The following USP13 variants were observed in gnomAD, a reference collection of about 807,000 sequenced individuals.
USP13 encodes ubiquitin carboxyl-terminal hydrolase 13.
USP13 carries 68 observed loss-of-function variants against 107.8 expected under a neutral mutation model. That is an observed-to-expected ratio of 0.63 (90% CI 0.52 to 0.77). The LOEUF (loss-of-function observed/expected upper bound fraction) is 0.77. Among genes scored for constraint, USP13 ranks in the 30% least tolerant of loss-of-function variants. USP13 has a pLI of 0.00. For missense variants in USP13, 945 were observed against 1,093.3 expected (o/e 0.86, Z 1.91); for synonymous variants, 377 against 389.5 (o/e 0.97, Z 0.38).
rs890425159 is a variant in USP13, at chr3:179,740,389, C to T, written c.1380+17C>T. 6.2e-7 allele frequency: 1 copy of T among 1,613,774 alleles called. No homozygotes were observed. The highest frequency in any genetic ancestry group is 8.5e-7 in the Non-Finnish European group (1 of 1,179,832). ...CTAGTAGAGGTGAGTAGTCAGTCTT[C>T]ACGGATGCTCAGCGGGGTTGTAAGA... On this transcript the variant is annotated intron_variant, in intron 11 of 20. Transcript: ENST00000263966.
At chr3:179,692,189 C>G (rs1370811640) in intron 3 of USP13, among the ~76,000 whole-genome samples, 3 of 152,166 alleles carry the variant, frequency 2.0e-5, no homozygotes, top group African/African-American at 7.2e-5. Context: ...TAGCTCTTTC[C>G]CGGTAATAGA....
intron 17 of USP13, 144 bp downstream of exon 17, chr3:179,761,399 A>G: frequency 8.8e-7 from 1 of 1,133,022 alleles, no homozygotes. Context: ...GGAGAAAGCC[A>G]GTCTTTTTCT....
At position 179,688,234 on chromosome 3, in the gene USP13, C is replaced by T. The variant is rs6443667; in HGVS notation, c.295-2007C>T. ...CCATCCATCCATCCATCCATCCATC[C>T]ATCCAACAAATATTTACTCAGTAGC... On this transcript the variant is annotated intron_variant, in intron 2 of 20. Coordinates refer to ENST00000263966, the MANE Select transcript of USP13 (RefSeq NM_003940.3). Among the ~76,000 whole-genome samples, 439 of 145,530 alleles carry T rather than the reference C, an allele frequency of 3.0e-3. 6 individuals are homozygous for T. Among genetic ancestry groups the T allele is most frequent in the South Asian group, 4.9e-3 (22 of 4,512 alleles).
At chr3:179,689,412 A>C (rs1342112566) in intron 2 of USP13, among the ~76,000 whole-genome samples, 3 of 152,198 alleles carry the variant, frequency 2.0e-5, no homozygotes, top group Admixed American at 2.0e-4. Context: ...TAAGCCCAGC[A>C]CTTTGGGAGG....
chr3:179,771,398 T>C (rs1039276962), intron 19 of USP13, among the ~76,000 whole-genome samples: 1 of 152,176 alleles, frequency 6.6e-6, no homozygotes, highest in East Asian at 1.9e-4. Flanking sequence ...TGGAGACATC[T>C]TCCATCCTCT....
At chr3:179,708,323 T>C (rs75413252) in intron 5 of USP13, among the ~76,000 whole-genome samples, 1 of 151,876 alleles carries the variant, frequency 6.6e-6, no homozygotes. Flanking sequence ...TTTTTTTTTT[T>C]TGAGACAGAG....
intron 4 of USP13, among the ~76,000 whole-genome samples, chr3:179,701,615 A>G (rs1712526576): frequency 6.6e-6 from 1 of 152,232 alleles, no homozygotes; most frequent in Admixed American, 6.5e-5. Context: ...CGCAGTTACA[A>G]AAAGAACAAA....
At chr3:179,757,693 T>C (rs781426237) in intron 16 of USP13, among the ~76,000 whole-genome samples, 17 of 152,240 alleles carry the variant, frequency 1.1e-4, no homozygotes, top group Non-Finnish European at 1.9e-4. Flanking sequence ...ACTCTAAATC[T>C]TTTGGTCTGT....
intron 14 of USP13, among the ~76,000 whole-genome samples, chr3:179,752,739 C>T (rs1315706913): frequency 6.6e-6 from 1 of 152,214 alleles, no homozygotes; most frequent in African/African-American, 2.4e-5. Context: ...GTGTTTCTAA[C>T]AAGCTCCCAC....
intron 19 of USP13, among the ~76,000 whole-genome samples, chr3:179,780,848 C>G (rs981560015): frequency 1.3e-5 from 2 of 152,192 alleles, no homozygotes; most frequent in Non-Finnish European, 2.9e-5. Context: ...AAAAGTGGAG[C>G]ACTAGCAAAA....
At chr3:179,723,564 G>C (rs922341559) in intron 8 of USP13, among the ~76,000 whole-genome samples, 1 of 152,242 alleles carries the variant, frequency 6.6e-6, no homozygotes, top group Non-Finnish European at 1.5e-5. Flanking sequence ...TGCAGGAGGA[G>C]TGAAGACAGG....
chr3:179,756,043 T>A (rs1714780000), intron 15 of USP13, among the ~76,000 whole-genome samples: 1 of 152,228 alleles, frequency 6.6e-6, no homozygotes, highest in Non-Finnish European at 1.5e-5. Flanking sequence ...GGGCATCAGA[T>A]AAATACAAGA....
chr3:179,782,577 G>A (rs1463820833), intron 20 of USP13, among the ~76,000 whole-genome samples: 1 of 152,060 alleles, frequency 6.6e-6, no homozygotes, highest in Non-Finnish European at 1.5e-5. Context: ...TTCTGCTTGA[G>A]GGCAGTGCTC....
At chr3:179,697,040 A>G (rs1048895502) in intron 3 of USP13, among the ~76,000 whole-genome samples, 3 of 152,182 alleles carry the variant, frequency 2.0e-5, no homozygotes, top group African/African-American at 4.8e-5. Context: ...AGTTTTCACA[A>G]ATAGGTGTAA....
At position 179,706,978 on chromosome 3, in the gene USP13, C is replaced by T; in HGVS notation, c.522C>T (p.Tyr174=). ...CDAVLSSKSP[Y]RKQDPDTWEN... ...CAGTTCTCAGCTCAAAATCTCCATA[C>T]AGAAAGCAGGACCCAGACACGTGGG... The change falls in exon 5 of 21, where the codon TAC becomes TAT. Residue 174 remains tyrosine, a synonymous_variant. Coordinates refer to ENST00000263966, the MANE Select transcript of USP13 (RefSeq NM_003940.3). The T allele has an allele frequency of 1.2e-6, 2 of 1,614,090 alleles. No homozygotes were observed. The highest frequency in any genetic ancestry group is 1.3e-5 in the African/African-American group (1 of 75,024).
Position 179,690,348 on chromosome 3 carries a change from G to A in USP13, c.355+47G>A, listed in dbSNP as rs1283480560. On this transcript the variant is annotated intron_variant, in intron 3 of 20. Coordinates refer to ENST00000263966, the MANE Select transcript of USP13 (RefSeq NM_003940.3). Reference sequence around the variant, plus strand: ...GCTCAGATTTTGTGTTTGTGTGTGTGTATATGTGCATACTCATGTGCATCT... The same window carrying A: ...GCTCAGATTTTGTGTTTGTGTGTGTATATATGTGCATACTCATGTGCATCT... 4 of 1,502,018 alleles carry A rather than the reference G, an allele frequency of 2.7e-6. No individual in the cohort carries two copies. In the Admixed American group the frequency reaches 5.1e-5, roughly 19 times the overall value. The allele number at this position is 1,502,018 out of a possible 1,614,324, so 93.0% of individuals were successfully genotyped here.
At position 179,722,751 on chromosome 3, in the gene USP13, T is replaced by A. The variant is rs371178116; in HGVS notation, c.1088+1162T>A. Among the ~76,000 whole-genome samples, 6 of 152,232 alleles carry A rather than the reference T, an allele frequency of 3.9e-5. No individual in the cohort carries two copies. In the East Asian group the frequency reaches 7.7e-4, roughly 20 times the overall value. ...TAGATCTTGTTCATTCTACTTATAC[T>A]TTTTTACCCATTAACCATCCTAATT... On this transcript the variant is annotated intron_variant, in intron 8 of 20. Coordinates refer to ENST00000263966, the MANE Select transcript of USP13 (RefSeq NM_003940.3).
intron 16 of USP13, among the ~76,000 whole-genome samples, chr3:179,759,664 G>T (rs999348512): frequency 2.6e-5 from 4 of 152,080 alleles, no homozygotes; most frequent in Non-Finnish European, 4.4e-5. Flanking sequence ...CCTTGTAAGA[G>T]AGCACTTTGG....
At position 179,721,391 on chromosome 3, in the gene USP13, C is replaced by T; in HGVS notation, c.901-11C>T. 1 of 1,608,186 alleles carries T rather than the reference C, an allele frequency of 6.2e-7. No homozygotes were observed. The highest frequency in any genetic ancestry group is 8.5e-7 in the Non-Finnish European group (1 of 1,176,396). ...ATTTAAAGTTGTTTTTCTTCGATGACTTTGTCTCAGACAGAGAATGGGCTC... is the reference window on the plus strand; with the variant it reads ...ATTTAAAGTTGTTTTTCTTCGATGATTTTGTCTCAGACAGAGAATGGGCTC... On this transcript the variant is annotated splice_polypyrimidine_tract_variant and intron_variant, in intron 7 of 20. Coordinates refer to ENST00000263966, the MANE Select transcript of USP13 (RefSeq NM_003940.3). The surrounding 1 kb of genome is among the most constrained non-coding windows in gnomAD (Gnocchi z 4.3).
Sources: gnomAD v4.1 joint callset for allele counts (sites outside exome capture counted in the v4.1 genomes callset) on GRCh38, gnomAD v4.1.1 for gene constraint, Gnocchi (gnomAD v3.1) non-coding constraint, MANE v1.5 for transcripts, NCBI Gene and HGNC (gene_info 2026-07-23, HGNC 2026-07-21) for gene names.